The following CHODL variants were observed in gnomAD, a reference collection of about 807,000 sequenced individuals.
CHODL encodes the protein chondrolectin.
Under a neutral mutation model 34.5 loss-of-function variants are expected in CHODL, and 29 were observed. The ratio of observed to expected loss-of-function variants is 0.84; its 90% CI spans 0.63 to 1.15. The LOEUF is 1.15. Among genes scored for constraint, CHODL ranks in the 50% most tolerant of loss-of-function variants. CHODL has a pLI of 0.00. For synonymous variants in CHODL, 125 were observed against 116.1 expected (o/e 1.08, Z -0.49); for missense variants, 332 against 332.5 (o/e 1.00, Z 0.01).
At chr21:18,126,947 T>G (rs1053580141) in intron 2 of CHODL, among the ~76,000 whole-genome samples, 1 of 152,228 alleles carries the variant, frequency 6.6e-6, no homozygotes, top group Non-Finnish European at 1.5e-5. Context: ...AACAATGCCC[T>G]GTGCAGATAA....
intron 2 of CHODL, among the ~76,000 whole-genome samples, chr21:18,037,672 A>G (rs2064327014): frequency 6.6e-6 from 1 of 151,840 alleles, no homozygotes. Context: ...CTCCAAGATC[A>G]GAGAGAATAA....
intron 2 of CHODL, among the ~76,000 whole-genome samples, chr21:18,060,981 C>T (rs909883007): frequency 6.6e-6 from 1 of 152,140 alleles, no homozygotes; most frequent in African/African-American, 2.4e-5. Context: ...GGTGTTCCAG[C>T]GTTGTATTTC....
intron 1 of CHODL, among the ~76,000 whole-genome samples, chr21:17,968,423 G>C (rs945434032): frequency 4.6e-5 from 7 of 152,118 alleles, no homozygotes; most frequent in African/African-American, 1.2e-4. Context: ...TCTTTTGCAC[G>C]AAAGTGGCTG....
intron 2 of CHODL, among the ~76,000 whole-genome samples, chr21:18,168,516 AATG>A (rs1211381289): frequency 1.3e-5 from 2 of 152,154 alleles, no homozygotes; most frequent in African/African-American, 2.4e-5. Context: ...GCATTTCCCT[AATG>A]ATTAATGATA....
chr21:18,023,392 A>C (rs1015987471), intron 1 of CHODL, among the ~76,000 whole-genome samples: 3 of 152,124 alleles, frequency 2.0e-5, no homozygotes, highest in Non-Finnish European at 4.4e-5. Flanking sequence ...TGGTAGTCAT[A>C]CAGGATGAGG....
intron 1 of CHODL, among the ~76,000 whole-genome samples, chr21:17,931,094 C>T (rs983500561): frequency 4.6e-5 from 7 of 152,204 alleles, no homozygotes; most frequent in South Asian, 4.1e-4. Flanking sequence ...TCTCCAACTG[C>T]AGCAACCTTG....
intron 2 of CHODL, among the ~76,000 whole-genome samples, chr21:18,051,866 A>G (rs753013154): frequency 1.1e-4 from 17 of 152,000 alleles, no homozygotes; most frequent in African/African-American, 1.9e-4. Flanking sequence ...TTGTTTTTAT[A>G]TAAGTTTTTC....
At chr21:18,127,020 CAT>C (rs890888687) in intron 2 of CHODL, among the ~76,000 whole-genome samples, 21 of 152,300 alleles carry the variant, frequency 1.4e-4, no homozygotes, top group African/African-American at 3.4e-4. Flanking sequence ...ATACCATAAA[CAT>C]GTTATCCTTC....
At chr21:18,254,879 T>C (rs1403403234) in intron 1 of CHODL, among the ~76,000 whole-genome samples, 1 of 152,152 alleles carries the variant, frequency 6.6e-6, no homozygotes, top group Non-Finnish European at 1.5e-5. Flanking sequence ...AGATTTTTTT[T>C]TCAAACTCTT....
chr21:18,222,837 T>C (rs2146742281), intron 2 of CHODL, among the ~76,000 whole-genome samples: 1 of 152,318 alleles, frequency 6.6e-6, no homozygotes, highest in African/African-American at 2.4e-5. Context: ...GTCAGTCATC[T>C]TGAGGATATC....
intron 1 of CHODL, among the ~76,000 whole-genome samples, chr21:17,987,119 A>G (rs1337035522): frequency 6.6e-6 from 1 of 152,138 alleles, no homozygotes; most frequent in African/African-American, 2.4e-5. Context: ...CAAGGAATAG[A>G]GAAATAGATG....
At chr21:18,093,179 A>G (rs1272852961) in intron 2 of CHODL, among the ~76,000 whole-genome samples, 1 of 152,166 alleles carries the variant, frequency 6.6e-6, no homozygotes, top group Non-Finnish European at 1.5e-5. Flanking sequence ...AGAGAGTGGC[A>G]TGACATATTT....
chr21:17,930,052 C>T (rs959037514), intron 1 of CHODL, among the ~76,000 whole-genome samples: 1 of 152,102 alleles, frequency 6.6e-6, no homozygotes, highest in Admixed American at 6.5e-5. Context: ...CAGAGGCCTG[C>T]AGTCTGCCCT....
In CHODL at chr21:18,146,150, TG is replaced by T. The variant is rs1467719530; in HGVS notation, c.-44-110358del. Among the ~76,000 whole-genome samples, 306 of 150,146 alleles carry T rather than the reference TG, an allele frequency of 2.0e-3. 2 individuals carry two copies. The highest frequency in any genetic ancestry group is 7.1e-3 in the African/African-American group (292 of 41,010). ...GCCCGGTTAATTTTTTTTTTTTTTT[TG>T]TATTTTTAGTAGAGACGGGCTTTCA... On this transcript the variant is annotated intron_variant, in intron 2 of 6. Coordinates refer to the CHODL transcript ENST00000400127.
At chr21:18,015,055 G>A (rs891978385) in intron 1 of CHODL, among the ~76,000 whole-genome samples, 7 of 152,144 alleles carry the variant, frequency 4.6e-5, no homozygotes, top group African/African-American at 1.4e-4. Context: ...TGGTTAAATC[G>A]TTGTATACAA....
At chr21:18,098,574 A>G (rs1163820374) in intron 2 of CHODL, among the ~76,000 whole-genome samples, 1 of 152,168 alleles carries the variant, frequency 6.6e-6, no homozygotes, top group Admixed American at 6.6e-5. Context: ...TTAGGCAATA[A>G]CAAATGCTGG....
intron 2 of CHODL, among the ~76,000 whole-genome samples, chr21:18,215,152 T>C (rs1453132345): frequency 6.6e-6 from 1 of 150,948 alleles, no homozygotes; most frequent in African/African-American, 2.4e-5. Flanking sequence ...CTTTAGGTAA[T>C]CCATAAAAGG....
rs149314061 is a variant in CHODL, at chr21:18,203,590, T to A, written c.-44-52919T>A. 2.1e-3 allele frequency among the ~76,000 whole-genome samples: 324 copies of A among 151,960 alleles called. 2 individuals are homozygous for A. Among genetic ancestry groups the A allele is most frequent in the African/African-American group, 7.6e-3 (314 of 41,554 alleles). ...GTCTGTAATTATACTTACAACACTGTCTGTCATTCCCAAGTTTTTCACCAC... is the reference window on the plus strand; with the variant it reads ...GTCTGTAATTATACTTACAACACTGACTGTCATTCCCAAGTTTTTCACCAC... On this transcript the variant is annotated intron_variant, in intron 2 of 6. Coordinates refer to the CHODL transcript ENST00000400127.
chr21:18,196,178 G>A (rs917831470), intron 2 of CHODL, among the ~76,000 whole-genome samples: 2 of 152,146 alleles, frequency 1.3e-5, no homozygotes, highest in East Asian at 3.8e-4. Flanking sequence ...ATTTTGAACT[G>A]TAACAGCAAG....
Sources: allele counts gnomAD v4.1 joint callset (sites outside exome capture counted in the v4.1 genomes callset), GRCh38; gene constraint gnomAD v4.1.1; transcripts MANE v1.5; gene names NCBI Gene and HGNC (gene_info 2026-07-23, HGNC 2026-07-21).